The following TNFSF4 variants were observed in gnomAD, a reference collection of about 807,000 sequenced individuals.
TNFSF4 encodes tumor necrosis factor ligand superfamily member 4.
In TNFSF4, 4 loss-of-function variants were observed where a neutral mutation model predicts 7.3. The observed-to-expected ratio is 0.55, with a 90% CI of 0.27 to 1.25. The LOEUF is 1.25. Among genes scored for constraint, TNFSF4 ranks in the 50% most tolerant of loss-of-function variants. The pLI, the probability that TNFSF4 is intolerant of heterozygous loss-of-function variation, is 0.12. For synonymous variants in TNFSF4, 76 were observed against 83.7 expected, an observed-to-expected ratio of 0.91 and a Z score of 0.50; for missense variants, 181 against 208.8, an observed-to-expected ratio of 0.87 and a Z score of 0.82.
chr1:173,279,214 C>T, the TNFSF4 span, among the ~76,000 whole-genome samples: 14 of 152,210 alleles, frequency 9.2e-5, no homozygotes, highest in African/African-American at 7.2e-5. Flanking sequence ...TGAACATCTA[C>T]ATTTCTCACC....
At chr1:173,364,106 T>G in the TNFSF4 span, among the ~76,000 whole-genome samples, 4 of 152,034 alleles carry the variant, frequency 2.6e-5, no homozygotes, top group Non-Finnish European at 4.4e-5. Flanking sequence ...GATATTTTTA[T>G]GGATTTCAGT....
chr1:173,299,522 T>TTC, the TNFSF4 span, among the ~76,000 whole-genome samples: 3 of 151,918 alleles, frequency 2.0e-5, no homozygotes, highest in African/African-American at 7.2e-5. Context: ...CGGGAAATAT[T>TTC]CAAACAAATC....
At chr1:173,355,081 A>G in the TNFSF4 span, among the ~76,000 whole-genome samples, 1 of 152,124 alleles carries the variant, frequency 6.6e-6, no homozygotes, top group Non-Finnish European at 1.5e-5. Flanking sequence ...TCCAGCTTCT[A>G]GCAGCCACCC....
At chr1:173,209,977 G>A (rs921824362), upstream of TNFSF4, among the ~76,000 whole-genome samples, 12 of 151,598 alleles carry the variant, frequency 7.9e-5, no homozygotes, top group African/African-American at 2.9e-4. Flanking sequence ...GAAAAGAAAA[G>A]GGCTTTGACC....
the TNFSF4 span, among the ~76,000 whole-genome samples, chr1:173,382,444 C>T: frequency 1.3e-5 from 2 of 152,174 alleles, no homozygotes; most frequent in East Asian, 1.9e-4. Flanking sequence ...GAACCAATTC[C>T]GGACACATTA....
the TNFSF4 span, among the ~76,000 whole-genome samples, chr1:173,297,088 T>C: frequency 2.6e-5 from 4 of 151,948 alleles, no homozygotes; most frequent in East Asian, 7.8e-4. Flanking sequence ...AAGAGAGTTT[T>C]TGTCCTCATG....
chr1:173,447,546 C>A, the TNFSF4 span, among the ~76,000 whole-genome samples: 35 of 152,116 alleles, frequency 2.3e-4, 2 homozygotes, highest in East Asian at 2.1e-3. Context: ...GAACCCACAA[C>A]TGCTCTAAAA....
the TNFSF4 span, among the ~76,000 whole-genome samples, chr1:173,251,259 A>G: frequency 6.6e-6 from 1 of 152,246 alleles, no homozygotes; most frequent in Non-Finnish European, 1.5e-5. Flanking sequence ...TGCCTGGCAT[A>G]CTTCACACCA....
the TNFSF4 span, among the ~76,000 whole-genome samples, chr1:173,437,294 T>C: frequency 2.4e-4 from 37 of 152,232 alleles, no homozygotes; most frequent in African/African-American, 8.7e-4. Context: ...TCTTGTGAAT[T>C]ACCCAACCTG....
chr1:173,311,698 A>T, the TNFSF4 span, among the ~76,000 whole-genome samples: 1 of 152,192 alleles, frequency 6.6e-6, no homozygotes, highest in South Asian at 2.1e-4. Flanking sequence ...AGAGTCAACC[A>T]GGTAGAGCAT....
chr1:173,393,438 G>C, the TNFSF4 span, among the ~76,000 whole-genome samples: 1 of 151,972 alleles, frequency 6.6e-6, no homozygotes, highest in Non-Finnish European at 1.5e-5. Flanking sequence ...TGCTCCTTTC[G>C]CCCTTTGCCA....
the TNFSF4 span, among the ~76,000 whole-genome samples, chr1:173,319,495 T>C: frequency 1.3e-5 from 2 of 152,320 alleles, no homozygotes; most frequent in Non-Finnish European, 2.9e-5. Flanking sequence ...CAGGACAGTG[T>C]ACCAGCTCTG....
chr1:173,286,589 T>G, the TNFSF4 span, among the ~76,000 whole-genome samples: 1 of 152,114 alleles, frequency 6.6e-6, no homozygotes, highest in African/African-American at 2.4e-5. Context: ...ATGCAAAAAC[T>G]TATTCCAAAT....
intron 1 of TNFSF4, 102 bp from the exon 2 acceptor site, chr1:173,188,671 T>C (rs1649342019): frequency 3.1e-6 from 3 of 967,144 alleles, no homozygotes; most frequent in Non-Finnish European, 3.2e-6. Context: ...CAGTAGCCTG[T>C]AGAGAAAACA....
At chr1:173,380,187 G>C in the TNFSF4 span, among the ~76,000 whole-genome samples, 2 of 152,198 alleles carry the variant, frequency 1.3e-5, no homozygotes, top group Non-Finnish European at 2.9e-5. Flanking sequence ...GTAATTGGGA[G>C]ACTTTGCTCT....
At chr1:173,210,726 A>G (rs868775645), upstream of TNFSF4, among the ~76,000 whole-genome samples, 10 of 151,412 alleles carry the variant, frequency 6.6e-5, no homozygotes, top group East Asian at 3.9e-4. Flanking sequence ...AAATAATTCT[A>G]GGGGGGGGAA....
chr1:173,350,800 AAC>A, the TNFSF4 span, among the ~76,000 whole-genome samples: 1 of 152,278 alleles, frequency 6.6e-6, no homozygotes, highest in Non-Finnish European at 1.5e-5. Flanking sequence ...ACCTCAAAAT[AAC>A]ACACGTTACT....
chr1:173,210,897 G>A (rs1650354102), upstream of TNFSF4, among the ~76,000 whole-genome samples: 1 of 152,136 alleles, frequency 6.6e-6, no homozygotes, highest in Non-Finnish European at 1.5e-5. Context: ...CCTGCAGGAA[G>A]GGATATGTTT....
chr1:173,337,219 T>C, the TNFSF4 span, among the ~76,000 whole-genome samples: 1 of 152,112 alleles, frequency 6.6e-6, no homozygotes, highest in Admixed American at 6.6e-5. Context: ...AGATAACTTC[T>C]CTTATTGAGA....
Sources: gnomAD v4.1 joint callset for allele counts (sites outside exome capture counted in the v4.1 genomes callset) on GRCh38, gnomAD v4.1.1 for gene constraint, MANE v1.5 for transcripts, NCBI Gene and HGNC (gene_info 2026-07-23, HGNC 2026-07-21) for gene names.